Variants in DRG1 observed in about 807,000 individuals in gnomAD.
DRG1 encodes developmentally-regulated GTP-binding protein 1.
In DRG1, 19 loss-of-function variants were observed where a neutral mutation model predicts 38.8. The observed-to-expected ratio is 0.49, with a 90% CI of 0.34 to 0.72. DRG1 has a LOEUF of 0.72. Among genes scored for constraint, DRG1 ranks in the 30% least tolerant of loss-of-function variants. The probability of loss-of-function intolerance (pLI) is 0.01; values close to 1 mark genes in which losing one functional copy is unlikely to be tolerated. For synonymous variants in DRG1, 167 were observed against 157.5 expected, an observed-to-expected ratio of 1.06 and a Z score of -0.45; for missense variants, 299 against 444.8, an observed-to-expected ratio of 0.67 and a Z score of 2.95.
At chr22:31,420,654 T>C (rs1479940589) in intron 5 of DRG1, among the ~76,000 whole-genome samples, 1 of 152,234 alleles carries the variant, frequency 6.6e-6, no homozygotes, top group Non-Finnish European at 1.5e-5. Context: ...CTATTGGGAA[T>C]GATATGGGCG....
At chr22:31,424,800 G>A (rs78964063) in intron 6 of DRG1, among the ~76,000 whole-genome samples, 1 of 15,308 alleles carries the variant, frequency 6.5e-5, no homozygotes, top group African/African-American at 4.9e-4. Flanking sequence ...CCCGGCACCC[G>A]CCCCCCCCCC....
At chr22:31,420,909 A>G (rs2050073228) in intron 5 of DRG1, among the ~76,000 whole-genome samples, 1 of 152,180 alleles carries the variant, frequency 6.6e-6, no homozygotes, top group African/African-American at 2.4e-5. Context: ...CAAAGTAGGG[A>G]AAGGAGATAA....
intron 8 of DRG1, 149 bp downstream of exon 8, chr22:31,427,331 A>C: frequency 9.1e-7 from 1 of 1,102,374 alleles, no homozygotes; most frequent in South Asian, 1.7e-5. Flanking sequence ...TGTCTTCTTA[A>C]AACCGTGCCT....
chr22:31,434,196 T>C lies in DRG1; in HGVS notation c.*225T>C. 2.0e-6 allele frequency: 1 copy of C among 495,982 alleles called. No homozygotes were observed. Among genetic ancestry groups the C allele is most frequent in the Non-Finnish European group, 3.7e-6 (1 of 271,512 alleles). The allele number at this position is 495,982 out of a possible 1,614,324, so 30.7% of individuals were successfully genotyped here. A position where few individuals can be genotyped will look rare whatever the true frequency, so the allele number is the denominator to read the frequency against. On this transcript the variant is annotated 3_prime_UTR_variant, in exon 9 of 9. Transcript: ENST00000331457. ...TGGTCAGCTACATGCAGCTCATGTGTCATTGTCAGAATTTGTTTTGGGATG... is the reference window on the plus strand; with the variant it reads ...TGGTCAGCTACATGCAGCTCATGTGCCATTGTCAGAATTTGTTTTGGGATG...
chr22:31,432,513 C>T (rs1400972361), intron 8 of DRG1, among the ~76,000 whole-genome samples: 2 of 151,770 alleles, frequency 1.3e-5, no homozygotes, highest in African/African-American at 4.8e-5. Context: ...GCAACCTCCG[C>T]CTCCCAGGTT....
Position 31,434,042 on chromosome 22 carries a change from T to C in DRG1, c.*71T>C. On this transcript the variant is annotated 3_prime_UTR_variant, in exon 9 of 9. Coordinates refer to ENST00000331457, the MANE Select transcript of DRG1 (RefSeq NM_004147.4). ...CCCATGATCAAGCACCCTACCCCAG[T>C]TCTTTCTGGTTTTGGCAGTCACTGG... is the stretch of plus-strand genomic sequence containing the variant. 2.1e-6 allele frequency: 3 copies of C among 1,445,892 alleles called. No homozygotes were observed. The highest frequency in any genetic ancestry group is 1.9e-6 in the Non-Finnish European group (2 of 1,043,816). The allele number at this position is 1,445,892 out of a possible 1,614,324, so 89.6% of individuals were successfully genotyped here. A position where few individuals can be genotyped will look rare whatever the true frequency, so the allele number is the denominator to read the frequency against.
chr22:31,432,085 T>G (rs2050142367), intron 8 of DRG1, among the ~76,000 whole-genome samples: 1 of 151,904 alleles, frequency 6.6e-6, no homozygotes, highest in South Asian at 2.1e-4. Context: ...ATCTTTTTGG[T>G]TTTTTTGAGA....
At chr22:31,405,955 T>C (rs1293302219) in intron 3 of DRG1, among the ~76,000 whole-genome samples, 1 of 152,028 alleles carries the variant, frequency 6.6e-6, no homozygotes, top group East Asian at 1.9e-4. Context: ...CCCAAAGTGC[T>C]GGGATTATAG....
intron 4 of DRG1, among the ~76,000 whole-genome samples, chr22:31,418,305 A>G (rs2050055481): frequency 6.6e-6 from 1 of 151,948 alleles, no homozygotes; most frequent in South Asian, 2.1e-4. Flanking sequence ...AAAAAAGAAA[A>G]AAATAGCCAT....
At chr22:31,412,190 AGGCTGAGGCAGGAGAAT>A (rs1017570990) in intron 4 of DRG1, among the ~76,000 whole-genome samples, 193 of 150,246 alleles carry the variant, frequency 1.3e-3, no homozygotes, top group African/African-American at 4.5e-3. Context: ...GCTACTTGGG[AGGCTGAGGCAGGAGAAT>A]GGCGTGAACC....
intron 4 of DRG1, among the ~76,000 whole-genome samples, chr22:31,414,516 C>G (rs1414933331): frequency 6.6e-6 from 1 of 152,152 alleles, no homozygotes; most frequent in Non-Finnish European, 1.5e-5. Flanking sequence ...TTCCCTTAGT[C>G]TTTTCTATCT....
chr22:31,432,007 G>A (rs1158814308), intron 8 of DRG1, among the ~76,000 whole-genome samples: 5 of 150,836 alleles, frequency 3.3e-5, no homozygotes, highest in Non-Finnish European at 2.9e-5. Context: ...GAAACATATC[G>A]AAGCAAACAG....
At position 31,421,629 on chromosome 22, in the gene DRG1, T is replaced by C. The variant is rs572728502; in HGVS notation, c.582+1204T>C. Among the ~76,000 whole-genome samples the C allele has an allele frequency of 2.0e-5, 3 of 151,850 alleles. No homozygotes were observed. In the East Asian group the frequency reaches 5.8e-4, roughly 30 times the overall value. On this transcript the variant is annotated intron_variant, in intron 5 of 8. Transcript: ENST00000331457. Reference sequence around the variant, plus strand: ...CTGTACATCTATAATCCCAGCACTTTGGGAGGTTGAGGCAGGAGGATCACT... The same window carrying C: ...CTGTACATCTATAATCCCAGCACTTCGGGAGGTTGAGGCAGGAGGATCACT...
intron 4 of DRG1, among the ~76,000 whole-genome samples, chr22:31,416,818 G>A (rs957451766): frequency 3.3e-5 from 5 of 151,502 alleles, no homozygotes; most frequent in Admixed American, 2.0e-4. Context: ...CAGGAGAATC[G>A]CTTGAATCCA....
At chr22:31,414,388 T>C (rs974109676) in intron 4 of DRG1, among the ~76,000 whole-genome samples, 2 of 152,052 alleles carry the variant, frequency 1.3e-5, no homozygotes, top group Non-Finnish European at 2.9e-5. Context: ...TCACTTGAGC[T>C]CAGGAGTTTG....
intron 4 of DRG1, among the ~76,000 whole-genome samples, chr22:31,417,524 A>G (rs573891519): frequency 3.1e-4 from 47 of 151,358 alleles, no homozygotes; most frequent in Non-Finnish European, 6.3e-4. Context: ...TACTAAAAAT[A>G]CAAAAAGTAG....
Position 31,403,057 on chromosome 22 carries a change from T to C in DRG1, c.195T>C (p.Ala65=). Residue 65 remains alanine (A), a synonymous_variant, in exon 3 of 9, where the codon GCT becomes GCC. Transcript: ENST00000331457. ...EGFDVAKTGD[A]RIGFVGFPSV... Reference sequence around the variant, plus strand: ...TTGATGTGGCCAAGACAGGTGATGCTCGAATTGGATTTGTTGGTTTTCCAT... The same window carrying C: ...TTGATGTGGCCAAGACAGGTGATGCCCGAATTGGATTTGTTGGTTTTCCAT... 1.2e-6 allele frequency: 2 copies of C among 1,613,146 alleles called. No individual in the cohort carries two copies.
chr22:31,430,655 T>A (rs1357667931), intron 8 of DRG1, among the ~76,000 whole-genome samples: 2 of 151,980 alleles, frequency 1.3e-5, no homozygotes, highest in Non-Finnish European at 2.9e-5. Flanking sequence ...CGCCTCGGCC[T>A]CTCAAAGTGC....
At chr22:31,422,346 G>T (rs1329443033) in intron 5 of DRG1, among the ~76,000 whole-genome samples, 1 of 150,450 alleles carries the variant, frequency 6.6e-6, no homozygotes, top group Admixed American at 6.6e-5. Flanking sequence ...CAGGAGAATT[G>T]CTTGAACCCA....
Sources: gnomAD v4.1 joint callset for allele counts (sites outside exome capture counted in the v4.1 genomes callset) on GRCh38, gnomAD v4.1.1 for gene constraint, MANE v1.5 for transcripts, NCBI Gene and HGNC (gene_info 2026-07-23, HGNC 2026-07-21) for gene names.